Variants in MICU3 observed in about 807,000 individuals in gnomAD.
The protein encoded by MICU3 is mitochondrial calcium uptake 3.
A neutral mutation model predicts 66.5 loss-of-function variants in MICU3; 62 were observed. The observed-to-expected ratio is 0.93, with a 90% CI of 0.76 to 1.15. MICU3 has a LOEUF of 1.15. MICU3 is among the 50% of genes most tolerant of loss of function. The probability of loss-of-function intolerance (pLI) is 0.00; values close to 1 mark genes in which losing one functional copy is unlikely to be tolerated. For missense variants in MICU3, 779 were observed against 664.4 expected (o/e 1.17, Z -1.90); for synonymous variants, 308 against 240.7 (o/e 1.28, Z -2.59).
intron 10 of MICU3, among the ~76,000 whole-genome samples, chr8:17,104,994 C>CAAA (rs746149322): frequency 0.017 from 144 of 8,702 alleles, 30 homozygotes; most frequent in Non-Finnish European, 0.018. Flanking sequence ...GACTCCGTCT[C>CAAA]AAAAAAAAAA....
chr8:17,090,827 G>T (rs1436097809), intron 8 of MICU3: 2 of 338,982 alleles, frequency 5.9e-6, no homozygotes, highest in Non-Finnish European at 1.1e-5. Flanking sequence ...AAAGGTAAGT[G>T]TACAACAATT....
the MICU3 span, among the ~76,000 whole-genome samples, chr8:17,127,993 C>A: frequency 6.6e-6 from 1 of 152,066 alleles, no homozygotes; most frequent in Non-Finnish European, 1.5e-5. Flanking sequence ...GGAACCAGAC[C>A]ACATAAGGGG....
At chr8:17,106,793 T>C (rs1055780878) in intron 11 of MICU3, among the ~76,000 whole-genome samples, 46 of 141,306 alleles carry the variant, frequency 3.3e-4, no homozygotes, top group African/African-American at 1.3e-3. Context: ...CTTGACTTTC[T>C]TCAGCATATT....
At chr8:17,064,914 G>A (rs1203357027) in intron 2 of MICU3, among the ~76,000 whole-genome samples, 1 of 152,080 alleles carries the variant, frequency 6.6e-6, no homozygotes, top group African/African-American at 2.4e-5. Context: ...GCTGGTGGTA[G>A]TTGCAGCTTC....
chr8:17,127,367 C>T (rs1389116540), downstream of MICU3, among the ~76,000 whole-genome samples: 3 of 152,146 alleles, frequency 2.0e-5, no homozygotes, highest in Non-Finnish European at 4.4e-5. Flanking sequence ...ATCAAAACTA[C>T]ATTGTGCCCT....
rs1800947625 is a variant in MICU3, at chr8:17,098,367, T to G, written c.889-91T>G. On this transcript the variant is annotated intron_variant, in intron 8 of 14. Transcript: ENST00000318063. ...AAAAAAGGTAAGCTAATGTGTTTCCTTTTCAAGGTTGGTTAGATTTAAAGT... is the reference window on the plus strand; with the variant it reads ...AAAAAAGGTAAGCTAATGTGTTTCCGTTTCAAGGTTGGTTAGATTTAAAGT... The G allele has an allele frequency of 3.4e-6, 3 of 891,396 alleles. 1 individual carries two copies. The highest frequency in any genetic ancestry group is 1.8e-5 in the Admixed American group (1 of 54,694). The allele number at this position is 891,396 out of a possible 1,614,324, so 55.2% of individuals were successfully genotyped here.
chr8:17,128,671 G>A, the MICU3 span, among the ~76,000 whole-genome samples: 4 of 152,172 alleles, frequency 2.6e-5, no homozygotes, highest in African/African-American at 9.7e-5. Context: ...CTTGAAAGAA[G>A]GGAAAACTAT....
the MICU3 span, among the ~76,000 whole-genome samples, chr8:17,135,040 C>G: frequency 6.6e-6 from 1 of 152,176 alleles, no homozygotes; most frequent in Non-Finnish European, 1.5e-5. Context: ...GTTTCATTAT[C>G]CAGGTCATGC....
At chr8:17,059,639 G>C (rs1238014333) in intron 1 of MICU3, among the ~76,000 whole-genome samples, 1 of 152,102 alleles carries the variant, frequency 6.6e-6, no homozygotes, top group African/African-American at 2.4e-5. Flanking sequence ...AATTTAATAA[G>C]ATAGTTGGAT....
At chr8:17,059,946 G>A (rs1817559371) in intron 1 of MICU3, among the ~76,000 whole-genome samples, 1 of 152,042 alleles carries the variant, frequency 6.6e-6, no homozygotes, top group South Asian at 2.1e-4. Flanking sequence ...AATACTAGTA[G>A]GATTTTTACA....
chr8:17,072,405 T>C (rs185558033), intron 3 of MICU3, among the ~76,000 whole-genome samples: 4 of 151,882 alleles, frequency 2.6e-5, no homozygotes, highest in Admixed American at 1.3e-4. Context: ...AGTTCTTATT[T>C]GTGACAAAAA....
At chr8:17,030,785 G>C (rs1811888200) in intron 1 of MICU3, among the ~76,000 whole-genome samples, 1 of 152,268 alleles carries the variant, frequency 6.6e-6, no homozygotes, top group South Asian at 2.1e-4. Context: ...CCAAGGCCTT[G>C]TCCGTTTTGG....
At chr8:17,115,118 CAAAA>C (rs11312297) in intron 12 of MICU3, among the ~76,000 whole-genome samples, 2 of 123,560 alleles carry the variant, frequency 1.6e-5, no homozygotes, top group Non-Finnish European at 3.5e-5. Flanking sequence ...GACTCCGTCT[CAAAA>C]AAAAAAAAAA....
At chr8:17,083,716 C>T (rs897624027) in intron 5 of MICU3, among the ~76,000 whole-genome samples, 1 of 152,088 alleles carries the variant, frequency 6.6e-6, no homozygotes, top group African/African-American at 2.4e-5. Context: ...TTGATCCATT[C>T]TGCAAAGCCA....
chr8:17,027,668 C>T lies in MICU3; in HGVS notation c.381+8C>T. 7.8e-7 allele frequency: 1 copy of T among 1,287,430 alleles called. No homozygotes were observed. The highest frequency in any genetic ancestry group is 3.1e-5 in the East Asian group (1 of 32,006). 79.8% of individuals were successfully genotyped at this position (1,287,430 alleles called of 1,614,324 possible). ...GCGGCTGCCAAGGAGACGGTGAGTGCGCGAGCGCGCGTCACACCTGCGCGG... is the reference window on the plus strand; with the variant it reads ...GCGGCTGCCAAGGAGACGGTGAGTGTGCGAGCGCGCGTCACACCTGCGCGG... On this transcript the variant is annotated splice_region_variant and intron_variant, in intron 1 of 14. Transcript: ENST00000318063.
intron 1 of MICU3, among the ~76,000 whole-genome samples, 175 bp downstream of exon 1, chr8:17,027,835 G>A (rs1811281814): frequency 6.6e-6 from 1 of 152,162 alleles, no homozygotes; most frequent in Admixed American, 6.5e-5. Context: ...CCCACGTATT[G>A]GGAAGACCAG....
chr8:17,047,894 A>G (rs186453230), intron 1 of MICU3, among the ~76,000 whole-genome samples: 25 of 152,344 alleles, frequency 1.6e-4, no homozygotes, highest in African/African-American at 5.8e-4. Flanking sequence ...GAAATTAGTA[A>G]AAATGAGAGC....
chr8:17,050,333 ATTATAT>A (rs1815849355), intron 1 of MICU3, among the ~76,000 whole-genome samples: 1 of 151,578 alleles, frequency 6.6e-6, no homozygotes, highest in African/African-American at 2.4e-5. Flanking sequence ...TTTATTTAAT[ATTATAT>A]TTAGGAAATT....
chr8:17,111,807 A>G (rs946365723), intron 11 of MICU3, among the ~76,000 whole-genome samples: 5 of 152,224 alleles, frequency 3.3e-5, no homozygotes, highest in Admixed American at 3.3e-4. Flanking sequence ...TGACATCTAT[A>G]TTAGTTCACT....
Sources: gnomAD v4.1 joint callset for allele counts (sites outside exome capture counted in the v4.1 genomes callset) on GRCh38, gnomAD v4.1.1 for gene constraint, MANE v1.5 for transcripts, NCBI Gene and HGNC (gene_info 2026-07-23, HGNC 2026-07-21) for gene names.